EHBP1: variants seen among roughly 807,000 people sequenced by gnomAD.
EHBP1 encodes the protein EH domain binding protein 1.
In EHBP1, 55 loss-of-function variants were observed where a neutral mutation model predicts 144.0. The ratio of observed to expected loss-of-function variants is 0.38; its 90% CI spans 0.31 to 0.48. The LOEUF (loss-of-function observed/expected upper bound fraction) is 0.48. Among genes scored for constraint, EHBP1 ranks in the 20% least tolerant of loss-of-function variants. The pLI, the probability that EHBP1 is intolerant of heterozygous loss-of-function variation, is 0.98. For synonymous variants in EHBP1, 469 were observed against 472.7 expected (o/e 0.99, Z 0.10); for missense variants, 1,200 against 1,364.2 (o/e 0.88, Z 1.90).
At chr2:62,987,900 A>G in intron 15 of EHBP1, 4 of 1,156,606 alleles carry the variant, frequency 3.5e-6, no homozygotes, top group Non-Finnish European at 5.0e-6. Flanking sequence ...TATAAATAAT[A>G]TACTAACATT....
chr2:62,829,134 A>G (rs913580859), intron 6 of EHBP1, among the ~76,000 whole-genome samples: 3 of 152,112 alleles, frequency 2.0e-5, no homozygotes, highest in African/African-American at 7.2e-5. Context: ...GAAAAAAAAA[A>G]AAGAAAAGAA....
chr2:62,697,738 A>T (rs1459337392), intron 1 of EHBP1, among the ~76,000 whole-genome samples: 1 of 152,246 alleles, frequency 6.6e-6, no homozygotes, highest in East Asian at 1.9e-4. Flanking sequence ...TCATCAAAGA[A>T]AATCAAAATG....
At chr2:62,723,570 T>C (rs1043045511) in intron 2 of EHBP1, among the ~76,000 whole-genome samples, 4 of 152,206 alleles carry the variant, frequency 2.6e-5, no homozygotes, top group African/African-American at 9.6e-5. Context: ...TGCTTTATAG[T>C]GTCACTGGCC....
At chr2:63,000,384 GT>G (rs565694989) in intron 19 of EHBP1, among the ~76,000 whole-genome samples, 64 of 146,900 alleles carry the variant, frequency 4.4e-4, no homozygotes, top group East Asian at 3.8e-3. Context: ...GAGTGTGTGT[GT>G]TTTTTTTTTT....
At chr2:62,805,454 T>G (rs1340058053) in intron 5 of EHBP1, among the ~76,000 whole-genome samples, 1 of 150,812 alleles carries the variant, frequency 6.6e-6, no homozygotes, top group Non-Finnish European at 1.5e-5. Flanking sequence ...TTGTTCTTTA[T>G]GTCTTTGTAT....
chr2:62,772,954 T>G (rs2041780353), intron 5 of EHBP1, among the ~76,000 whole-genome samples: 1 of 152,216 alleles, frequency 6.6e-6, no homozygotes, highest in Non-Finnish European at 1.5e-5. Context: ...TTTCATATTA[T>G]GAAGTTATGA....
intron 3 of EHBP1, among the ~76,000 whole-genome samples, chr2:62,760,600 C>A (rs13398408): frequency 0.22 from 33,124 of 152,138 alleles, 3,888 homozygotes; most frequent in Middle Eastern, 0.3. Context: ...AAGCTATCAT[C>A]TCCTAACTCT....
intron 6 of EHBP1, 170 bp downstream of exon 6, chr2:62,826,438 CTT>C (rs1388476599): frequency 9.6e-6 from 5 of 523,070 alleles, no homozygotes; most frequent in African/African-American, 5.9e-5. Context: ...TAAATAGTCT[CTT>C]TTGACTCCAG....
At chr2:62,825,856 C>A (rs570142097) in intron 5 of EHBP1, among the ~76,000 whole-genome samples, 3 of 152,066 alleles carry the variant, frequency 2.0e-5, no homozygotes, top group Non-Finnish European at 2.9e-5. Flanking sequence ...TTCTAATCTT[C>A]TCTTGTTTCT....
rs954429507 is a variant in EHBP1, at chr2:63,015,454, G to C, written c.3103+18688G>C. ...ATGGATTATATGGGAATTAGGATTC[G>C]TGTAATAACATGTCTCCATTTTGTA... On this transcript the variant is annotated intron_variant, in intron 19 of 22. Transcript: ENST00000431489. 9.2e-5 allele frequency among the ~76,000 whole-genome samples: 14 copies of C among 152,200 alleles called. No individual in the cohort carries two copies. The South Asian group carries it at 2.7e-3, about 29-fold the overall frequency.
chr2:62,874,862 G>A (rs542296273), intron 10 of EHBP1, among the ~76,000 whole-genome samples: 12 of 152,186 alleles, frequency 7.9e-5, no homozygotes, highest in Non-Finnish European at 1.5e-4. Flanking sequence ...CCCTGCTGAT[G>A]GACACCCACC....
intron 4 of EHBP1, among the ~76,000 whole-genome samples, chr2:62,767,682 A>G (rs1263474680): frequency 2.0e-5 from 3 of 151,892 alleles, no homozygotes; most frequent in Non-Finnish European, 2.9e-5. Flanking sequence ...TGAAAATACA[A>G]AAAATTAGCT....
At chr2:62,973,913 T>C (rs1574309877) in intron 14 of EHBP1, among the ~76,000 whole-genome samples, 2 of 151,974 alleles carry the variant, frequency 1.3e-5, no homozygotes, top group African/African-American at 4.8e-5. Context: ...AGGGCTGAGG[T>C]AGGAGAATCA....
intron 1 of EHBP1, among the ~76,000 whole-genome samples, chr2:62,693,086 C>T (rs2033963207): frequency 6.6e-6 from 1 of 152,098 alleles, no homozygotes; most frequent in Non-Finnish European, 1.5e-5. Flanking sequence ...ATTTTTAGCT[C>T]CCATAGATAA....
At chr2:63,026,148 TGTGGATA>T (rs1387849141) in intron 19 of EHBP1, among the ~76,000 whole-genome samples, 1 of 152,200 alleles carries the variant, frequency 6.6e-6, no homozygotes. Context: ...TATTTACTTC[TGTGGATA>T]GTCCTTTCTA....
At chr2:62,881,389 C>T (rs2051401011) in intron 10 of EHBP1, among the ~76,000 whole-genome samples, 1 of 131,344 alleles carries the variant, frequency 7.6e-6, no homozygotes. Context: ...ACGTCCTGAA[C>T]CTGTAATACA....
At chr2:63,019,364 G>A (rs1476646165) in intron 19 of EHBP1, among the ~76,000 whole-genome samples, 2 of 152,188 alleles carry the variant, frequency 1.3e-5, no homozygotes, top group Non-Finnish European at 2.9e-5. Context: ...GCTAGAATCT[G>A]GGTGTTCTTA....
intron 10 of EHBP1, among the ~76,000 whole-genome samples, chr2:62,924,725 G>A (rs1450821680): frequency 2.6e-5 from 4 of 152,166 alleles, no homozygotes. Flanking sequence ...TTCCAACAAT[G>A]TAAAGTTCAG....
chr2:62,830,913 AT>A, intron 6 of EHBP1, 105 bp from the exon 7 acceptor site: 1 of 1,184,304 alleles, frequency 8.4e-7, no homozygotes, highest in Non-Finnish European at 1.2e-6. Flanking sequence ...AGAAAGACTT[AT>A]TGACATACCT....
Sources: gnomAD v4.1 joint callset for allele counts (sites outside exome capture counted in the v4.1 genomes callset) on GRCh38, gnomAD v4.1.1 for gene constraint, MANE v1.5 for transcripts, NCBI Gene and HGNC (gene_info 2026-07-23, HGNC 2026-07-21) for gene names.